Variants in CLSTN2 observed in about 807,000 individuals in gnomAD.
CLSTN2 encodes calsyntenin 2.
In CLSTN2, 48 loss-of-function variants were observed where a neutral mutation model predicts 101.2. The ratio of observed to expected loss-of-function variants is 0.47; its 90% confidence interval spans 0.38 to 0.60. The LOEUF (loss-of-function observed/expected upper bound fraction) is 0.60. Ranked by LOEUF, CLSTN2 falls within the 20% of genes least tolerant of loss-of-function variation. The pLI is 0.00. For missense variants in CLSTN2, 1,160 were observed against 1,238.2 expected (o/e 0.94, Z 0.95); for synonymous variants, 481 against 463.6 (o/e 1.04, Z -0.48).
intron 2 of CLSTN2, among the ~76,000 whole-genome samples, chr3:140,279,641 C>T (rs114939850): frequency 1.3e-3 from 198 of 152,290 alleles, no homozygotes; most frequent in African/African-American, 4.6e-3. Flanking sequence ...AAGTAGGTGA[C>T]GTCTGCTTAA....
intron 1 of CLSTN2, among the ~76,000 whole-genome samples, chr3:139,972,148 C>T (rs1935716877): frequency 6.6e-6 from 1 of 152,074 alleles, no homozygotes; most frequent in Non-Finnish European, 1.5e-5. Context: ...CCTGTAGTCC[C>T]AGCTACTTGG....
chr3:140,188,404 A>G (rs2010511943), intron 2 of CLSTN2, among the ~76,000 whole-genome samples: 2 of 152,146 alleles, frequency 1.3e-5, no homozygotes, highest in South Asian at 4.1e-4. Flanking sequence ...ACAACCTACC[A>G]CTAAGAAGCA....
chr3:140,491,757 G>A (rs1035185499), intron 8 of CLSTN2, among the ~76,000 whole-genome samples: 14 of 152,220 alleles, frequency 9.2e-5, no homozygotes, highest in African/African-American at 3.4e-4. Context: ...AGGAGGTTGA[G>A]GCTGCAGTGA....
intron 2 of CLSTN2, among the ~76,000 whole-genome samples, chr3:140,348,164 TAG>T (rs1380430300): frequency 6.6e-6 from 1 of 152,170 alleles, no homozygotes; most frequent in Non-Finnish European, 1.5e-5. Context: ...CTGGAAATGG[TAG>T]AGTTACCAAC....
chr3:140,166,209 G>A (rs2010132091), intron 1 of CLSTN2, among the ~76,000 whole-genome samples: 1 of 152,158 alleles, frequency 6.6e-6, no homozygotes, highest in South Asian at 2.1e-4. Flanking sequence ...CTAGTTTCTG[G>A]CCTGTGAAAT....
At chr3:140,011,072 A>ACAGGTTGCTGGCCTCAGCAGG (rs1186339563) in intron 1 of CLSTN2, among the ~76,000 whole-genome samples, 2 of 152,120 alleles carry the variant, frequency 1.3e-5, no homozygotes, top group East Asian at 3.9e-4. Context: ...CAGAGGATAA[A>ACAGGTTGCTGGCCTCAGCAGG]CAGGTTGCTG....
At chr3:140,330,424 G>A (rs1271841990) in intron 2 of CLSTN2, among the ~76,000 whole-genome samples, 4 of 152,122 alleles carry the variant, frequency 2.6e-5, no homozygotes, top group Non-Finnish European at 5.9e-5. Context: ...GTCTTTTAAA[G>A]GTATAATTTT....
At chr3:140,365,599 G>A (rs984764540) in intron 2 of CLSTN2, among the ~76,000 whole-genome samples, 2 of 152,112 alleles carry the variant, frequency 1.3e-5, no homozygotes, top group African/African-American at 4.8e-5. Flanking sequence ...GGGAAACTAA[G>A]GCCCAGAGAG....
intron 8 of CLSTN2, among the ~76,000 whole-genome samples, chr3:140,527,325 A>T (rs1935164645): frequency 6.6e-6 from 1 of 152,242 alleles, no homozygotes; most frequent in African/African-American, 2.4e-5. Context: ...AATATGAAAA[A>T]AATGCCCAAC....
At chr3:140,393,571 G>A (rs751582315) in intron 2 of CLSTN2, among the ~76,000 whole-genome samples, 2 of 152,254 alleles carry the variant, frequency 1.3e-5, no homozygotes, top group Non-Finnish European at 2.9e-5. Flanking sequence ...AGAGGTAATC[G>A]GACATGGTAA....
At chr3:140,269,335 T>C (rs1389678513) in intron 2 of CLSTN2, among the ~76,000 whole-genome samples, 1 of 152,236 alleles carries the variant, frequency 6.6e-6, no homozygotes, top group Non-Finnish European at 1.5e-5. Flanking sequence ...TGAACCGAGC[T>C]GAACATTTGC....
In CLSTN2 at chr3:140,570,773, C is replaced by T. The variant is rs1252408692; in HGVS notation, c.*4520C>T. 1 of 152,120 alleles carries T rather than the reference C, an allele frequency of 6.6e-6. No individual in the cohort carries two copies. The highest frequency in any genetic ancestry group is 2.4e-5 in the African/African-American group (1 of 41,420). 9.4% of individuals were successfully genotyped at this position (152,120 alleles called of 1,614,324 possible). A position where few individuals can be genotyped will look rare whatever the true frequency, so the allele number is the denominator to read the frequency against. On this transcript the variant is annotated 3_prime_UTR_variant, in exon 17 of 17. Transcript: ENST00000458420. ...CCACAGGCCATACGAAAATTAGCAG[C>T]CAGCTAGATTTGGCCCAAGGCCAAA...
At chr3:140,012,653 C>T (rs1013129332) in intron 1 of CLSTN2, among the ~76,000 whole-genome samples, 1 of 152,174 alleles carries the variant, frequency 6.6e-6, no homozygotes, top group African/African-American at 2.4e-5. Flanking sequence ...TCGACTCTCC[C>T]AGCTGCAAGG....
At chr3:140,072,366 A>G (rs904635927) in intron 1 of CLSTN2, among the ~76,000 whole-genome samples, 3 of 152,240 alleles carry the variant, frequency 2.0e-5, no homozygotes, top group Non-Finnish European at 4.4e-5. Context: ...ATGTGCAACT[A>G]TTAAACTAAG....
At chr3:140,165,118 T>C (rs541931967) in intron 1 of CLSTN2, among the ~76,000 whole-genome samples, 19 of 152,306 alleles carry the variant, frequency 1.2e-4, no homozygotes, top group African/African-American at 4.6e-4. Context: ...TCATCTTCTG[T>C]GGATATTTTT....
intron 2 of CLSTN2, among the ~76,000 whole-genome samples, chr3:140,356,921 G>A (rs1307397446): frequency 2.0e-5 from 3 of 152,204 alleles, no homozygotes; most frequent in Non-Finnish European, 4.4e-5. Context: ...TTGTGTCTCA[G>A]TCTGATAGCA....
chr3:140,273,977 C>T (rs1160048377), intron 2 of CLSTN2, among the ~76,000 whole-genome samples: 1 of 152,128 alleles, frequency 6.6e-6, no homozygotes, highest in Non-Finnish European at 1.5e-5. Flanking sequence ...GGAATGTGAC[C>T]ATCATCCTCC....
intron 5 of CLSTN2, among the ~76,000 whole-genome samples, chr3:140,426,900 C>T (rs1032863979): frequency 1.1e-4 from 17 of 152,130 alleles, no homozygotes; most frequent in African/African-American, 3.4e-4. Context: ...TGGGGCTGGG[C>T]GCAGTGGCTC....
intron 10 of CLSTN2, among the ~76,000 whole-genome samples, chr3:140,554,025 A>G (rs1318995667): frequency 6.6e-6 from 1 of 152,196 alleles, no homozygotes; most frequent in Non-Finnish European, 1.5e-5. Context: ...CACTAAGGCT[A>G]AGTTCTGGGA....
Sources: allele counts gnomAD v4.1 joint callset (sites outside exome capture counted in the v4.1 genomes callset), GRCh38; gene constraint gnomAD v4.1.1; transcripts MANE v1.5; gene names NCBI Gene and HGNC (gene_info 2026-07-23, HGNC 2026-07-21).